Variants in FGD1 observed in about 807,000 individuals in gnomAD.
The protein encoded by FGD1 is FYVE, RhoGEF and PH domain-containing protein 1.
Under a neutral mutation model 65.0 loss-of-function variants are expected in FGD1, and 12 were observed. The observed-to-expected ratio is 0.18, with a 90% CI of 0.12 to 0.30. The LOEUF (loss-of-function observed/expected upper bound fraction) is 0.30. FGD1 is among the 10% of genes least tolerant of loss of function. The pLI, the probability that FGD1 is intolerant of heterozygous loss-of-function variation, is 1.00. For missense variants in FGD1, 542 were observed against 837.6 expected (o/e 0.65, Z 4.36); for synonymous variants, 333 against 343.9 (o/e 0.97, Z 0.35).
At position 54,471,425 on chromosome X, in the gene FGD1, C is replaced by T. The variant is rs1922893617; in HGVS notation, c.370G>A (p.Glu124Lys). ...SLSLDPGQSL[E>K]PHPEGPQRLR... Reference sequence around the variant, plus strand: ...CGCTGGGGACCTTCTGGATGAGGCTCTAGGCTTTGGCCAGGGTCAAGGGAC... The same window carrying T: ...CGCTGGGGACCTTCTGGATGAGGCTTTAGGCTTTGGCCAGGGTCAAGGGAC... The change falls in exon 2 of 18, where the codon GAG becomes AAG. Residue 124 changes from glutamate to lysine, a missense_variant. Glu to Lys is a moderately conservative substitution (Grantham distance 56). Coordinates refer to ENST00000375135, the MANE Select transcript of FGD1 (RefSeq NM_004463.3). The T allele has an allele frequency of 8.3e-7, 1 of 1,210,146 alleles. No homozygotes were observed. The highest frequency in any genetic ancestry group is 1.7e-5 in the African/African-American group (1 of 57,358).
intron 1 of FGD1, among the ~76,000 whole-genome samples, chrX:54,479,015 A>G (rs1923082269): frequency 1.8e-5 from 2 of 112,137 alleles, no homozygotes; most frequent in South Asian, 7.4e-4. Context: ...TACAAACCAG[A>G]AAAAAACTGT....
chrX:54,481,623 A>T (rs1291599972), intron 1 of FGD1, among the ~76,000 whole-genome samples: 1 of 105,551 alleles, frequency 9.5e-6, no homozygotes, highest in Non-Finnish European at 1.9e-5. Context: ...GTGACTGCTG[A>T]GTTGGGAAAG....
chrX:54,453,300 C>T (rs1347619048), intron 12 of FGD1, among the ~76,000 whole-genome samples: 2 of 111,939 alleles, frequency 1.8e-5, no homozygotes, highest in Non-Finnish European at 3.8e-5. Context: ...CTCTATCTCA[C>T]ATTCATCTCT....
intron 4 of FGD1, 51 bp downstream of exon 4, chrX:54,469,965 G>A (rs369156843): frequency 1.9e-5 from 21 of 1,107,391 alleles, no homozygotes; most frequent in Admixed American, 8.8e-5. Context: ...CACAAAAGGC[G>A]CTTCCAGGTT....
chrX:54,476,357 C>T (rs1319597337), intron 1 of FGD1, among the ~76,000 whole-genome samples: 1 of 99,434 alleles, frequency 1.0e-5, no homozygotes, highest in Non-Finnish European at 2.0e-5. Context: ...TTCTCCAGCC[C>T]TTTTTTTTTT....
intron 6 of FGD1, among the ~76,000 whole-genome samples, chrX:54,467,321 C>T (rs1372890024): frequency 9.2e-6 from 1 of 108,787 alleles, no homozygotes; most frequent in Non-Finnish European, 1.9e-5. Context: ...GGGAGGTCCT[C>T]GAAGGCAGAG....
At position 54,471,401 on chromosome X, in the gene FGD1, G is replaced by A. The variant is rs746549256; in HGVS notation, c.394C>T (p.Arg132Trp). The A allele has an allele frequency of 7.4e-6, 9 of 1,209,536 alleles. No individual in the cohort carries two copies. The highest frequency in any genetic ancestry group is 3.0e-5 in the East Asian group (1 of 33,772). Reference sequence around the variant, plus strand: ...GGGGGACCTGGGTCTGAGCGAAGCCGCTGGGGACCTTCTGGATGAGGCTCT... The same window carrying A: ...GGGGGACCTGGGTCTGAGCGAAGCCACTGGGGACCTTCTGGATGAGGCTCT... ...SLEPHPEGPQ[R>W]LRSDPGPPTE... is the part of the protein sequence containing the mutation. The change falls in exon 2 of 18, where the codon CGG (arginine) becomes TGG (tryptophan). Residue 132 changes from arginine to tryptophan, a missense_variant. Around this residue, in one of 6 missense-constraint regions of FGD1, gnomAD observed 297 missense variants for 326.8 expected, o/e 0.91. Transcript: ENST00000375135.
In FGD1 at chrX:54,469,830, G is replaced by A. The variant is rs192510240; in HGVS notation, c.1101+186C>T. On this transcript the variant is annotated intron_variant, in intron 4 of 17. Coordinates refer to ENST00000375135, the MANE Select transcript of FGD1 (RefSeq NM_004463.3). ...TATGGATGTAAGTAAGAGACTTTCC[G>A]TATTACAAATAAGGAAACTGAGGCT... Among the ~76,000 whole-genome samples the A allele has an allele frequency of 4.1e-3, 455 of 112,071 alleles. 2 individuals are homozygous for A. Among genetic ancestry groups the A allele is most frequent in the African/African-American group, 0.013 (413 of 30,870 alleles).
At chrX:54,446,511 C>T (rs962494804) in intron 17 of FGD1, 97 bp from the exon 18 acceptor site, 3 of 836,286 alleles carry the variant, frequency 3.6e-6, no homozygotes, top group Non-Finnish European at 5.1e-6. Context: ...GTCTTCAGTC[C>T]CCTACTCAGG....
intron 2 of FGD1, 27 bp from the exon 3 acceptor site, chrX:54,470,787 AG>A: frequency 1.1e-6 from 1 of 893,837 alleles, no homozygotes. Context: ...GGAAGAGAGA[AG>A]GGAGACATCA....
chrX:54,493,481 A>G (rs763222509), intron 1 of FGD1, among the ~76,000 whole-genome samples: 50 of 112,018 alleles, frequency 4.5e-4, no homozygotes, highest in Admixed American at 8.6e-4. Context: ...GAGACTCACA[A>G]GTGGCCCTAC....
At position 54,495,754 on chromosome X, in the gene FGD1, T is replaced by C. The variant is rs1923526691; in HGVS notation, c.-322A>G. 1 of 110,469 alleles carries C rather than the reference T, an allele frequency of 9.1e-6. No individual in the cohort carries two copies. 9.1% of individuals were successfully genotyped at this position (110,469 alleles called of 1,213,427 possible). A position where few individuals can be genotyped will look rare whatever the true frequency, so the allele number is the denominator to read the frequency against. ...CGCTGGGGAGCGCTGTCTATGCGGC[T>C]GCGGTTGGGCGAGGGTTGGAGGGCT... On this transcript the variant is annotated 5_prime_UTR_variant, in exon 1 of 18. Coordinates refer to ENST00000375135, the MANE Select transcript of FGD1 (RefSeq NM_004463.3).
At position 54,455,509 on chromosome X, in the gene FGD1, G is replaced by A. The variant is rs984927603; in HGVS notation, c.1954C>T (p.Leu652Phe). ...DGMELKESSN[L>F]NLPRTFLVSG... The stretch of plus-strand genomic sequence containing the variant: ...ACCAGGAAGGTTCGAGGCAGATTGA[G>A]GTTGGAGCTCTCCTTTAGCTGAATG... Residue 652 changes from leucine to phenylalanine, a missense_variant, in exon 12 of 18, where the codon CTC becomes TTC. Transcript: ENST00000375135. The A allele has an allele frequency of 9.1e-6, 11 of 1,210,575 alleles. No individual in the cohort carries two copies. Among genetic ancestry groups the A allele is most frequent in the Non-Finnish European group, 1.2e-5 (11 of 894,127 alleles).
At chrX:54,475,408 G>A (rs764585259) in intron 1 of FGD1, among the ~76,000 whole-genome samples, 1 of 111,950 alleles carries the variant, frequency 8.9e-6, no homozygotes, top group Non-Finnish European at 1.9e-5. Flanking sequence ...CAGGAGGGGC[G>A]GGTGGACCCA....
At chrX:54,459,211 T>C (rs1423946781) in intron 8 of FGD1, among the ~76,000 whole-genome samples, 7 of 111,812 alleles carry the variant, frequency 6.3e-5, no homozygotes, top group Admixed American at 2.9e-4. Flanking sequence ...GGAGGCTTTG[T>C]TACAACGAGC....
At chrX:54,480,250 C>G (rs1046359762) in intron 1 of FGD1, among the ~76,000 whole-genome samples, 3 of 112,235 alleles carry the variant, frequency 2.7e-5, no homozygotes, top group African/African-American at 6.5e-5. Context: ...AAAAGAGGAG[C>G]CTTCTTCAAA....
intron 16 of FGD1, among the ~76,000 whole-genome samples, chrX:54,448,346 C>G (rs1389373148): frequency 1.8e-5 from 2 of 111,054 alleles, no homozygotes; most frequent in African/African-American, 6.6e-5. Context: ...GCCACCATGC[C>G]TGGCTAATTT....
intron 1 of FGD1, among the ~76,000 whole-genome samples, chrX:54,491,023 C>A (rs1288996721): frequency 9.0e-6 from 1 of 111,017 alleles, no homozygotes; most frequent in Non-Finnish European, 1.9e-5. Flanking sequence ...CCAAACACCC[C>A]GTCTGAGCAT....
At chrX:54,449,588 T>G in intron 14 of FGD1, 71 bp downstream of exon 14, 1 of 724,882 alleles carries the variant, frequency 1.4e-6, no homozygotes, top group African/African-American at 2.1e-5. Flanking sequence ...GAGGATCATC[T>G]AAAGGTCAGG....
Sources: gnomAD v4.1 joint callset for allele counts (sites outside exome capture counted in the v4.1 genomes callset) on GRCh38, gnomAD v4.1.1 for gene constraint, gnomAD v4.1.1 regional missense constraint, MANE v1.5 for transcripts, NCBI Gene and HGNC (gene_info 2026-07-23, HGNC 2026-07-21) for gene names.